AUTS2: variants seen among roughly 807,000 people sequenced by gnomAD.
AUTS2 encodes the protein activator of transcription and developmental regulator AUTS2, also known as autism susceptibility gene 2 protein.
In AUTS2, 17 loss-of-function variants were observed where a neutral mutation model predicts 112.4. The ratio of observed to expected loss-of-function variants is 0.15; its 90% CI spans 0.10 to 0.23. The LOEUF (loss-of-function observed/expected upper bound fraction) is 0.23. AUTS2 is among the 10% of genes least tolerant of loss of function. AUTS2 has a pLI of 1.00. For synonymous variants in AUTS2, 751 were observed against 702.7 expected (o/e 1.07, Z -1.09); for missense variants, 1,510 against 1,701.6 (o/e 0.89, Z 1.98).
intron 4 of AUTS2, among the ~76,000 whole-genome samples, chr7:70,221,929 G>A (rs1811510063): frequency 6.6e-6 from 1 of 152,028 alleles, no homozygotes; most frequent in Non-Finnish European, 1.5e-5. Flanking sequence ...TTTGGGTTTG[G>A]CTTTTTATCA....
intron 4 of AUTS2, among the ~76,000 whole-genome samples, chr7:70,395,527 T>A (rs990426297): frequency 6.6e-6 from 1 of 152,214 alleles, no homozygotes; most frequent in Non-Finnish European, 1.5e-5. Flanking sequence ...AGGAAATAAA[T>A]GAATTTTGTA....
intron 5 of AUTS2, among the ~76,000 whole-genome samples, chr7:70,487,675 G>A (rs1798066278): frequency 6.6e-6 from 1 of 152,202 alleles, no homozygotes; most frequent in South Asian, 2.1e-4. Context: ...ATGTGTGTTT[G>A]CACAGTGGGC....
At chr7:70,449,239 C>G (rs532405663) in intron 5 of AUTS2, among the ~76,000 whole-genome samples, 17 of 152,332 alleles carry the variant, frequency 1.1e-4, no homozygotes, top group South Asian at 4.1e-4. Flanking sequence ...TCGGAGACTT[C>G]GTTTCTCCTT....
At chr7:70,448,031 T>C (rs1005103706) in intron 5 of AUTS2, among the ~76,000 whole-genome samples, 1 of 152,142 alleles carries the variant, frequency 6.6e-6, no homozygotes, top group African/African-American at 2.4e-5. Context: ...CAGTAATTAG[T>C]GGGATATGGA....
At chr7:69,765,489 C>T (rs1326340256) in intron 1 of AUTS2, among the ~76,000 whole-genome samples, 2 of 152,108 alleles carry the variant, frequency 1.3e-5, no homozygotes, top group Non-Finnish European at 2.9e-5. Context: ...TACCCCCACC[C>T]CTTTTGTTAA....
Position 70,364,357 on chromosome 7 carries a change from A to T in AUTS2, c.661-71395A>T, listed in dbSNP as rs113799423. Among the ~76,000 whole-genome samples, 1,197 of 151,976 alleles carry T rather than the reference A, an allele frequency of 7.9e-3. 28 individuals carry two copies. Among genetic ancestry groups the T allele is most frequent in the African/African-American group, 0.027 (1,140 of 41,480 alleles). On this transcript the variant is annotated intron_variant, in intron 4 of 18. Transcript: ENST00000342771. ...GATGGGCAGATCACGAGGTCAGGAG[A>T]TAAGAGAACATCCTGGCCAACATGG... is the stretch of plus-strand genomic sequence containing the variant.
chr7:70,427,643 A>G (rs41384947), intron 4 of AUTS2, among the ~76,000 whole-genome samples: 10,933 of 152,280 alleles, frequency 0.072, 481 homozygotes, highest in East Asian at 0.14. Flanking sequence ...AGTTTGGACA[A>G]CCTGATTTCT....
chr7:70,583,485 G>A (rs1802542578), intron 5 of AUTS2, among the ~76,000 whole-genome samples: 1 of 152,208 alleles, frequency 6.6e-6, no homozygotes, highest in South Asian at 2.1e-4. Flanking sequence ...TTTCTAAGTA[G>A]CCAGTCGTTA....
At chr7:70,336,553 C>A (rs575993976) in intron 4 of AUTS2, among the ~76,000 whole-genome samples, 29 of 152,206 alleles carry the variant, frequency 1.9e-4, no homozygotes, top group East Asian at 1.5e-3. Context: ...GAGTTTAGTG[C>A]TTTCTACTTT....
chr7:70,750,260 G>A (rs1788718513), intron 6 of AUTS2, among the ~76,000 whole-genome samples: 1 of 152,288 alleles, frequency 6.6e-6, no homozygotes, highest in Non-Finnish European at 1.5e-5. Flanking sequence ...GGTGACTCGG[G>A]TGCGGAGAGT....
intron 1 of AUTS2, among the ~76,000 whole-genome samples, chr7:69,606,304 GGTCCCC>G (rs1792711637): frequency 6.6e-6 from 1 of 152,106 alleles, no homozygotes; most frequent in Non-Finnish European, 1.5e-5. Context: ...TTAGAAATGA[GGTCCCC>G]AGATGGACAC....
chr7:70,270,957 C>T (rs144741191), intron 4 of AUTS2, among the ~76,000 whole-genome samples: 184 of 152,204 alleles, frequency 1.2e-3, no homozygotes, highest in African/African-American at 4.1e-3. Context: ...CCCCTGAGTG[C>T]GGGCAAGCCT....
chr7:70,137,863 G>A (rs1806653694), intron 4 of AUTS2, among the ~76,000 whole-genome samples: 1 of 152,176 alleles, frequency 6.6e-6, no homozygotes, highest in Non-Finnish European at 1.5e-5. Context: ...TGTACCTGTA[G>A]GATAGTAGTA....
intron 4 of AUTS2, among the ~76,000 whole-genome samples, chr7:70,220,158 G>T (rs950308243): frequency 6.6e-6 from 1 of 152,156 alleles, no homozygotes; most frequent in Admixed American, 6.6e-5. Context: ...AATAAATGTG[G>T]CAGTGTTCCA....
At chr7:70,403,401 A>G (rs551542007) in intron 4 of AUTS2, among the ~76,000 whole-genome samples, 81 of 152,328 alleles carry the variant, frequency 5.3e-4, no homozygotes, top group African/African-American at 1.8e-3. Flanking sequence ...CACTCTCAGT[A>G]CAGGTTGCTA....
At chr7:69,783,081 T>C (rs1369140406) in intron 1 of AUTS2, among the ~76,000 whole-genome samples, 1 of 146,014 alleles carries the variant, frequency 6.8e-6, no homozygotes, top group Non-Finnish European at 1.5e-5. Flanking sequence ...AAGAGGGTGC[T>C]GCTCATCTTT....
At chr7:69,932,316 G>A (rs986699286) in intron 2 of AUTS2, among the ~76,000 whole-genome samples, 7 of 152,160 alleles carry the variant, frequency 4.6e-5, no homozygotes, top group African/African-American at 1.4e-4. Flanking sequence ...TGGTATACAA[G>A]TATAGATTGG....
At chr7:70,332,282 AC>A (rs1188363654) in intron 4 of AUTS2, among the ~76,000 whole-genome samples, 2 of 152,196 alleles carry the variant, frequency 1.3e-5, no homozygotes, top group Non-Finnish European at 2.9e-5. Context: ...TTCAAGGAGA[AC>A]TACAAACCAC....
intron 5 of AUTS2, among the ~76,000 whole-genome samples, chr7:70,536,478 C>T (rs1291670654): frequency 4.0e-5 from 6 of 149,300 alleles, no homozygotes; most frequent in Non-Finnish European, 7.4e-5. Context: ...CGTGAATATG[C>T]AGAGTAGGCA....
Sources: gnomAD v4.1 joint callset for allele counts (sites outside exome capture counted in the v4.1 genomes callset) on GRCh38, gnomAD v4.1.1 for gene constraint, MANE v1.5 for transcripts, NCBI Gene and HGNC (gene_info 2026-07-23, HGNC 2026-07-21) for gene names.